The following APIP variants were observed in gnomAD, a reference collection of about 807,000 sequenced individuals.
APIP encodes the protein methylthioribulose-1-phosphate dehydratase.
APIP carries 32 observed loss-of-function variants against 32.0 expected under a neutral mutation model. The ratio of observed to expected loss-of-function variants is 1.00; its 90% confidence interval spans 0.76 to 1.34. The LOEUF is 1.34. APIP is among the 40% of genes most tolerant of loss of function. The probability of loss-of-function intolerance (pLI) is 0.00; values close to 1 mark genes in which losing one functional copy is unlikely to be tolerated. For synonymous variants in APIP, 92 were observed against 94.8 expected (o/e 0.97, Z 0.17); for missense variants, 247 against 298.6 (o/e 0.83, Z 1.27).
At chr11:34,890,707 A>C in intron 2 of APIP, 155 bp from the exon 3 acceptor site, 1 of 633,284 alleles carries the variant, frequency 1.6e-6, no homozygotes. Flanking sequence ...AAAGAAAGCC[A>C]AACTACATCA....
chr11:34,903,692 C>T (rs1223229998), intron 1 of APIP, among the ~76,000 whole-genome samples: 8 of 152,184 alleles, frequency 5.3e-5, no homozygotes, highest in African/African-American at 1.9e-4. Flanking sequence ...GCAAGGAAGC[C>T]TCAAGACATC....
chr11:34,891,033 C>T (rs1853177588), intron 2 of APIP, among the ~76,000 whole-genome samples: 2 of 152,220 alleles, frequency 1.3e-5, no homozygotes, highest in South Asian at 2.1e-4. Context: ...AGTTCAGAGA[C>T]CTCTGCTGGA....
At chr11:34,899,149 G>T (rs527407906) in intron 1 of APIP, among the ~76,000 whole-genome samples, 1 of 152,144 alleles carries the variant, frequency 6.6e-6, no homozygotes, top group African/African-American at 2.4e-5. Context: ...GATTACAGGC[G>T]TGAGCCACTG....
intron 1 of APIP, among the ~76,000 whole-genome samples, chr11:34,910,581 A>G (rs181859440): frequency 6.6e-6 from 1 of 152,316 alleles, no homozygotes; most frequent in East Asian, 1.9e-4. Flanking sequence ...AATGGGAGGA[A>G]AGGTAAAGAT....
intron 2 of APIP, among the ~76,000 whole-genome samples, chr11:34,893,058 A>C (rs576846554): frequency 6.6e-6 from 1 of 152,180 alleles, no homozygotes; most frequent in Non-Finnish European, 1.5e-5. Flanking sequence ...AGAACTAAGG[A>C]TAAAGCATTT....
chr11:34,890,589 T>C, intron 2 of APIP, 37 bp from the exon 3 acceptor site: 1 of 1,605,376 alleles, frequency 6.2e-7, no homozygotes, highest in Non-Finnish European at 8.5e-7. Flanking sequence ...TATTTATTTA[T>C]TTCCTGCTTT....
chr11:34,901,575 T>A (rs2985382), intron 1 of APIP, among the ~76,000 whole-genome samples: 54 of 152,008 alleles, frequency 3.6e-4, no homozygotes, highest in Non-Finnish European at 1.0e-4. Flanking sequence ...CTATAAGGGG[T>A]GTCTCAGGAA....
intron 1 of APIP, among the ~76,000 whole-genome samples, chr11:34,911,224 G>A (rs981262195): frequency 1.3e-5 from 2 of 152,014 alleles, no homozygotes; most frequent in Non-Finnish European, 1.5e-5. Context: ...ATGAACAGCA[G>A]TGATGAGGTC....
In APIP at chr11:34,883,019, CA is replaced by C. The variant is rs1260699957; in HGVS notation, c.630-204del. Among the ~76,000 whole-genome samples the C allele has an allele frequency of 2.0e-5, 3 of 152,172 alleles. No individual in the cohort carries two copies. In the East Asian group the frequency reaches 5.8e-4, roughly 29 times the overall value. ...CATATTAAGTCATGCAACAATATTA[CA>C]TACCTCTCAGGAAATAAAAGAGAGT... is the stretch of plus-strand genomic sequence containing the variant. On this transcript the variant is annotated intron_variant, in intron 6 of 6. Coordinates refer to ENST00000395787, the MANE Select transcript of APIP (RefSeq NM_015957.4).
chr11:34,910,489 G>A (rs1027759542), intron 1 of APIP, among the ~76,000 whole-genome samples: 2 of 152,104 alleles, frequency 1.3e-5, no homozygotes, highest in Non-Finnish European at 2.9e-5. Flanking sequence ...GAGGAGACAG[G>A]GAAAGATTAA....
chr11:34,885,155 T>C (rs1318499918), intron 5 of APIP, among the ~76,000 whole-genome samples: 1 of 148,360 alleles, frequency 6.7e-6, no homozygotes, highest in African/African-American at 2.5e-5. Context: ...CCTATATATG[T>C]ATAGGTATAC....
chr11:34,894,776 A>C (rs545925674), intron 2 of APIP, among the ~76,000 whole-genome samples: 1 of 152,360 alleles, frequency 6.6e-6, no homozygotes, highest in South Asian at 2.1e-4. Flanking sequence ...CTGAGTATTA[A>C]GTTATTGTGA....
chr11:34,912,609 A>G (rs1460471341), intron 1 of APIP, among the ~76,000 whole-genome samples: 4 of 152,208 alleles, frequency 2.6e-5, no homozygotes, highest in Non-Finnish European at 5.9e-5. Context: ...AGCACAATCT[A>G]ATCAGCTGCC....
chr11:34,908,619 C>G (rs1853493364), intron 1 of APIP, among the ~76,000 whole-genome samples: 1 of 152,242 alleles, frequency 6.6e-6, no homozygotes. Flanking sequence ...GCTGTGTGCC[C>G]TAAGGCAAGT....
intron 1 of APIP, among the ~76,000 whole-genome samples, chr11:34,911,920 T>G (rs1183250330): frequency 6.6e-6 from 1 of 152,220 alleles, no homozygotes; most frequent in Non-Finnish European, 1.5e-5. Context: ...ATATATTAAT[T>G]ATAAATATGC....
chr11:34,889,820 C>T (rs1259560822), intron 3 of APIP, among the ~76,000 whole-genome samples: 3 of 152,090 alleles, frequency 2.0e-5, no homozygotes, highest in African/African-American at 7.2e-5. Context: ...TGATCTTGTT[C>T]TTTATTATGG....
chr11:34,901,741 C>A (rs1033729255), intron 1 of APIP, among the ~76,000 whole-genome samples: 1 of 152,146 alleles, frequency 6.6e-6, no homozygotes, highest in African/African-American at 2.4e-5. Flanking sequence ...AGCCCCAGGA[C>A]AAACTCTTTG....
chr11:34,882,500 G>A lies in APIP; in HGVS notation c.*217C>T. 2 of 319,232 alleles carry A rather than the reference G, an allele frequency of 6.3e-6. No homozygotes were observed. The highest frequency in any genetic ancestry group is 1.2e-5 in the Non-Finnish European group (2 of 172,364). The allele number at this position is 319,232 out of a possible 1,614,324, so 19.8% of individuals were successfully genotyped here. On this transcript the variant is annotated 3_prime_UTR_variant, in exon 7 of 7. Coordinates refer to ENST00000395787, the MANE Select transcript of APIP (RefSeq NM_015957.4). ...ATTTAAAAATAAACAGAAACATAGA[G>A]TATAAAATTTTCATTTCACTGTGCC...
chr11:34,906,794 T>C (rs577491102), intron 1 of APIP, among the ~76,000 whole-genome samples: 2 of 152,342 alleles, frequency 1.3e-5, no homozygotes, highest in Non-Finnish European at 2.9e-5. Context: ...CAGCCCCGGG[T>C]GGCTACAATT....
Sources: allele counts gnomAD v4.1 joint callset (sites outside exome capture counted in the v4.1 genomes callset), GRCh38; gene constraint gnomAD v4.1.1; transcripts MANE v1.5; gene names NCBI Gene and HGNC (gene_info 2026-07-23, HGNC 2026-07-21).